WDPCP: variants seen among roughly 807,000 people sequenced by gnomAD.
WDPCP encodes the protein WD repeat containing planar cell polarity effector.
In WDPCP, 71 loss-of-function variants were observed where a neutral mutation model predicts 93.1. That is an observed-to-expected ratio of 0.76 (90% CI 0.63 to 0.93). WDPCP has a LOEUF of 0.93. WDPCP is among the 40% of genes least tolerant of loss of function. The pLI, the probability that WDPCP is intolerant of heterozygous loss-of-function variation, is 0.00. For missense variants in WDPCP, 844 were observed against 887.4 expected, an observed-to-expected ratio of 0.95 and a Z score of 0.62; for synonymous variants, 315 against 315.0, an observed-to-expected ratio of 1.00 and a Z score of 0.00.
chr2:63,642,460 T>C (rs1709992161), intron 3 of WDPCP: 1 of 63,160 alleles, frequency 1.6e-5, no homozygotes, highest in African/African-American at 8.8e-5. Flanking sequence ...GTATCTTTTC[T>C]TTCTTTTTTT....
chr2:63,355,531 C>A (rs922070192), intron 12 of WDPCP, among the ~76,000 whole-genome samples: 1 of 152,120 alleles, frequency 6.6e-6, no homozygotes, highest in African/African-American at 2.4e-5. Context: ...CACTATCAAG[C>A]AACCATACAA....
chr2:63,398,473 A>C (rs1568174), intron 10 of WDPCP, among the ~76,000 whole-genome samples: 63,501 of 151,954 alleles, frequency 0.42, 13,533 homozygotes, highest in Non-Finnish European at 0.43. Context: ...TCTTTGAATT[A>C]TTCTAATGAC....
At chr2:63,402,267 G>A (rs1277227689) in intron 10 of WDPCP, among the ~76,000 whole-genome samples, 1 of 152,080 alleles carries the variant, frequency 6.6e-6, no homozygotes, top group African/African-American at 2.4e-5. Context: ...GTTGAACAAT[G>A]AGAATACATG....
rs146519546 is a variant in WDPCP, at chr2:63,360,991, A to G, written c.1748+17395T>C. On this transcript the variant is annotated intron_variant, in intron 12 of 17. Coordinates refer to ENST00000272321, the MANE Select transcript of WDPCP (RefSeq NM_015910.7). ...GTTATCTGGATGCAGTGTCTGAATA[A>G]TTTTAACTATAAGAACAGGAACTTG... is the stretch of plus-strand genomic sequence containing the variant. Among the ~76,000 whole-genome samples, 297 of 152,322 alleles carry G rather than the reference A, an allele frequency of 1.9e-3. 2 individuals carry two copies. In the Middle Eastern group the frequency reaches 0.031, roughly 16 times the overall value.
At chr2:63,147,286 A>G (rs968047037) in intron 17 of WDPCP, among the ~76,000 whole-genome samples, 2 of 152,156 alleles carry the variant, frequency 1.3e-5, no homozygotes, top group East Asian at 1.9e-4. Context: ...GGTAGTGGGT[A>G]TAGACTAAAG....
intron 1 of WDPCP, among the ~76,000 whole-genome samples, chr2:63,515,786 G>A (rs1271481806): frequency 1.3e-5 from 2 of 152,142 alleles, no homozygotes; most frequent in Admixed American, 6.5e-5. Flanking sequence ...TCGGGAGGCC[G>A]AGGCAGGCAG....
chr2:63,707,196 C>T (rs971088140), intron 2 of WDPCP, among the ~76,000 whole-genome samples: 1 of 152,166 alleles, frequency 6.6e-6, no homozygotes, highest in African/African-American at 2.4e-5. Context: ...TGGGGAAGTT[C>T]TCCTGGATAA....
intron 6 of WDPCP, among the ~76,000 whole-genome samples, chr2:63,473,755 G>C (rs1203428508): frequency 6.6e-6 from 1 of 152,032 alleles, no homozygotes; most frequent in African/African-American, 2.4e-5. Flanking sequence ...GAAGTTATAA[G>C]AGGAAATGAG....
At chr2:63,294,363 C>T (rs769386622) in intron 13 of WDPCP, among the ~76,000 whole-genome samples, 8 of 151,768 alleles carry the variant, frequency 5.3e-5, no homozygotes, top group East Asian at 1.9e-4. Flanking sequence ...ACAAAAAATT[C>T]GGTGGGCATC....
intron 1 of WDPCP, among the ~76,000 whole-genome samples, chr2:63,819,027 CAT>C (rs1670980191): frequency 6.6e-6 from 1 of 152,064 alleles, no homozygotes; most frequent in Admixed American, 6.6e-5. Flanking sequence ...AATATACACA[CAT>C]AGATATATGC....
At chr2:63,345,132 T>A (rs1325673126) in intron 12 of WDPCP, among the ~76,000 whole-genome samples, 1 of 152,188 alleles carries the variant, frequency 6.6e-6, no homozygotes, top group Non-Finnish European at 1.5e-5. Context: ...CTGCTTCTAT[T>A]TATAAACCGC....
chr2:63,730,946 G>GAAA (rs111256921), intron 2 of WDPCP, among the ~76,000 whole-genome samples: 13 of 144,110 alleles, frequency 9.0e-5, no homozygotes, highest in African/African-American at 3.3e-4. Flanking sequence ...CCAAGTACAT[G>GAAA]AAAAAAAAAA....
chr2:63,248,310 G>C (rs1680446630), intron 14 of WDPCP, among the ~76,000 whole-genome samples: 1 of 152,138 alleles, frequency 6.6e-6, no homozygotes, highest in Non-Finnish European at 1.5e-5. Context: ...CTGCTGAGAA[G>C]TCAGAATCCC....
chr2:63,248,847 C>T (rs933131580), intron 14 of WDPCP, among the ~76,000 whole-genome samples: 3 of 151,234 alleles, frequency 2.0e-5, no homozygotes, highest in Non-Finnish European at 4.4e-5. Context: ...TTTTCAGTTG[C>T]TTCAGGATTT....
the WDPCP span, among the ~76,000 whole-genome samples, chr2:63,833,025 G>A: frequency 3.3e-5 from 5 of 152,194 alleles, no homozygotes; most frequent in African/African-American, 9.7e-5. Context: ...GGCCAAGGCG[G>A]GAGGATCACT....
intron 1 of WDPCP, 139 bp downstream of exon 1, chr2:63,588,058 C>T: frequency 3.7e-6 from 4 of 1,072,242 alleles, no homozygotes; most frequent in Non-Finnish European, 5.6e-6. Flanking sequence ...TCCCACAGCC[C>T]TCATACTCCG....
chr2:63,238,862 A>G (rs1318395742), intron 14 of WDPCP, among the ~76,000 whole-genome samples: 2 of 152,210 alleles, frequency 1.3e-5, no homozygotes, highest in African/African-American at 4.8e-5. Flanking sequence ...TTAAATGATT[A>G]ACAACTAGCT....
chr2:63,381,771 G>C lies in WDPCP; in HGVS notation c.1624+135C>G, dbSNP rs183575769. 2.0e-4 allele frequency: 181 copies of C among 895,520 alleles called. No individual in the cohort carries two copies. In the African/African-American group the frequency reaches 2.7e-3, roughly 13 times the overall value. The allele number at this position is 895,520 out of a possible 1,614,324, so 55.5% of individuals were successfully genotyped here. A position where few individuals can be genotyped will look rare whatever the true frequency, so the allele number is the denominator to read the frequency against. On this transcript the variant is annotated intron_variant, in intron 11 of 17. Transcript: ENST00000272321. The stretch of plus-strand genomic sequence containing the variant: ...AATTATTTGATATCTGATCCTTTCA[G>C]TTTTAATAGAGCACTAACATTTTTA...
At chr2:63,248,933 T>C (rs1302748493) in intron 14 of WDPCP, among the ~76,000 whole-genome samples, 2 of 152,030 alleles carry the variant, frequency 1.3e-5, no homozygotes, top group African/African-American at 4.8e-5. Context: ...TAATATTCTT[T>C]AGTTCTTTAT....
Sources: gnomAD v4.1 joint callset for allele counts (sites outside exome capture counted in the v4.1 genomes callset) on GRCh38, gnomAD v4.1.1 for gene constraint, MANE v1.5 for transcripts, NCBI Gene and HGNC (gene_info 2026-07-23, HGNC 2026-07-21) for gene names.